Variants in MYT1L observed in about 807,000 individuals in gnomAD.
MYT1L encodes the protein myelin transcription factor 1-like protein.
In MYT1L, 12 loss-of-function variants were observed where a neutral mutation model predicts 126.7. The observed-to-expected ratio is 0.09, with a 90% CI of 0.06 to 0.15. The LOEUF is 0.15. MYT1L is among the 10% of genes least tolerant of loss of function. The probability of loss-of-function intolerance (pLI) is 1.00; values close to 1 mark genes in which losing one functional copy is unlikely to be tolerated. For missense variants in MYT1L, 979 were observed against 1,585.2 expected, an observed-to-expected ratio of 0.62 and a Z score of 6.49; for synonymous variants, 541 against 604.2, an observed-to-expected ratio of 0.90 and a Z score of 1.53.
chr2:1,885,438 A>T (rs769517485), intron 18 of MYT1L: 1 of 152,688 alleles, frequency 6.5e-6, no homozygotes, highest in Non-Finnish European at 1.5e-5. Flanking sequence ...GAGCTAGTTC[A>T]GGAAGTCACT....
At chr2:2,297,041 G>T (rs1559591206) in intron 1 of MYT1L, among the ~76,000 whole-genome samples, 2 of 152,238 alleles carry the variant, frequency 1.3e-5, no homozygotes, top group South Asian at 4.1e-4. Flanking sequence ...GCCTTCCCAG[G>T]TTTCTCTGCA....
At chr2:2,075,114 C>A (rs1331058807) in intron 3 of MYT1L, among the ~76,000 whole-genome samples, 2 of 152,150 alleles carry the variant, frequency 1.3e-5, no homozygotes, top group African/African-American at 4.8e-5. Flanking sequence ...GGATAGAGAG[C>A]ATTTCAGGAG....
At chr2:2,236,760 CTTCTT>C (rs2094319343) in intron 2 of MYT1L, among the ~76,000 whole-genome samples, 1 of 16,270 alleles carries the variant, frequency 6.1e-5, no homozygotes, top group Non-Finnish European at 1.5e-4. Context: ...GTTGTCCTTT[CTTCTT>C]CTTCTTCTTC....
At chr2:2,080,893 A>C (rs993754080) in intron 3 of MYT1L, among the ~76,000 whole-genome samples, 1 of 152,202 alleles carries the variant, frequency 6.6e-6, no homozygotes, top group Non-Finnish European at 1.5e-5. Context: ...TAAATGAAAG[A>C]AGCCGGTATC....
At chr2:2,253,304 C>T (rs1233296416) in intron 2 of MYT1L, among the ~76,000 whole-genome samples, 2 of 152,240 alleles carry the variant, frequency 1.3e-5, no homozygotes, top group African/African-American at 2.4e-5. Flanking sequence ...GGCTTCCACA[C>T]AGTGACTTCG....
chr2:2,202,695 A>T (rs907839669), intron 2 of MYT1L, among the ~76,000 whole-genome samples: 1 of 152,212 alleles, frequency 6.6e-6, no homozygotes, highest in African/African-American at 2.4e-5. Context: ...CCAGAGGTAC[A>T]AGGAGGAGCT....
chr2:2,051,416 T>G (rs915314093), intron 4 of MYT1L, among the ~76,000 whole-genome samples: 6 of 152,192 alleles, frequency 3.9e-5, no homozygotes, highest in Admixed American at 6.5e-5. Context: ...CTCAACAGCC[T>G]GCACAGACCT....
intron 3 of MYT1L, among the ~76,000 whole-genome samples, chr2:2,165,449 T>A (rs2088900647): frequency 6.6e-6 from 1 of 152,204 alleles, no homozygotes; most frequent in African/African-American, 2.4e-5. Context: ...TGTCAACATT[T>A]ATCTTCTAAG....
At chr2:1,952,835 CCCTTACCTTTGCCT>C (rs1206160848) in intron 8 of MYT1L, among the ~76,000 whole-genome samples, 5 of 83,924 alleles carry the variant, frequency 6.0e-5, no homozygotes, top group Admixed American at 1.2e-4. Flanking sequence ...CTCCCTCCTT[CCCTTACCTTTGCCT>C]TCCCTTACCT....
intron 2 of MYT1L, among the ~76,000 whole-genome samples, chr2:2,212,810 T>TATTCTCCCA (rs2148916528): frequency 6.6e-6 from 1 of 152,304 alleles, no homozygotes; most frequent in South Asian, 2.1e-4. Context: ...GAACTGGTGT[T>TATTCTCCCA]ACTTTATTCT....
At chr2:2,201,810 CA>C (rs1200690721) in intron 2 of MYT1L, among the ~76,000 whole-genome samples, 2 of 152,068 alleles carry the variant, frequency 1.3e-5, no homozygotes, top group Admixed American at 1.3e-4. Context: ...TCTGGGTTTT[CA>C]AAACACTAAA....
intron 14 of MYT1L, among the ~76,000 whole-genome samples, chr2:1,902,420 C>T (rs1457741986): frequency 2.0e-5 from 3 of 152,210 alleles, no homozygotes; most frequent in African/African-American, 4.8e-5. Context: ...CCCCATCGTC[C>T]CCAGTCACAG....
chr2:2,080,889 AAAGAAGCCGGTATC>A (rs755900187), intron 3 of MYT1L, among the ~76,000 whole-genome samples: 6 of 152,226 alleles, frequency 3.9e-5, no homozygotes, highest in Non-Finnish European at 8.8e-5. Flanking sequence ...ATGCTAAATG[AAAGAAGCCGGTATC>A]AACAAAACCC....
intron 2 of MYT1L, among the ~76,000 whole-genome samples, chr2:2,281,683 A>T (rs1025318768): frequency 6.6e-6 from 1 of 152,234 alleles, no homozygotes; most frequent in Non-Finnish European, 1.5e-5. Flanking sequence ...ATTAGCCCAT[A>T]GAACCTAGAA....
In MYT1L at chr2:1,792,062, T is replaced by C. The variant is rs1180985083; in HGVS notation, c.3421-55A>G. On this transcript the variant is annotated intron_variant, in intron 24 of 24. Coordinates refer to ENST00000647738, the MANE Select transcript of MYT1L (RefSeq NM_001303052.2). Reference sequence around the variant, plus strand: ...CAACTTTTATTTTCTTAATAGTATATTTACAAAAGCATAAAATAGTATCAT... The same window carrying C: ...CAACTTTTATTTTCTTAATAGTATACTTACAAAAGCATAAAATAGTATCAT... 4.4e-6 allele frequency: 6 copies of C among 1,373,084 alleles called. No individual in the cohort carries two copies. The East Asian group carries it at 1.3e-4, about 29-fold the overall frequency. The allele number at this position is 1,373,084 out of a possible 1,614,324, so 85.1% of individuals were successfully genotyped here. A position where few individuals can be genotyped will look rare whatever the true frequency, so the allele number is the denominator to read the frequency against.
intron 18 of MYT1L, among the ~76,000 whole-genome samples, chr2:1,869,270 T>C (rs2045977487): frequency 6.6e-6 from 1 of 152,204 alleles, no homozygotes; most frequent in Non-Finnish European, 1.5e-5. Flanking sequence ...GTCCTGGACC[T>C]GGGTTGTGTT....
chr2:1,807,803 C>T (rs1302086520), intron 22 of MYT1L, among the ~76,000 whole-genome samples: 1 of 152,106 alleles, frequency 6.6e-6, no homozygotes, highest in African/African-American at 2.4e-5. Flanking sequence ...CCATTTTTGT[C>T]AATCGATCAA....
intron 5 of MYT1L, among the ~76,000 whole-genome samples, chr2:1,987,177 G>A (rs1297292716): frequency 6.6e-6 from 1 of 152,144 alleles, no homozygotes; most frequent in Non-Finnish European, 1.5e-5. Flanking sequence ...TTAGGGCTGG[G>A]GGGTACCCGA....
chr2:2,189,393 A>G lies in MYT1L; in HGVS notation c.-420-16405T>C, dbSNP rs565995399. On this transcript the variant is annotated intron_variant, in intron 2 of 24. Transcript: ENST00000647738. ...GGGTTGGATTATCTTCAAATGCTTC[A>G]GCCAAAACAACTTATGCAATATGTT... Among the ~76,000 whole-genome samples, 8 of 152,318 alleles carry G rather than the reference A, an allele frequency of 5.3e-5. No individual in the cohort carries two copies. The South Asian group carries it at 1.2e-3, about 24-fold the overall frequency.
Sources: gnomAD v4.1 joint callset for allele counts (sites outside exome capture counted in the v4.1 genomes callset) on GRCh38, gnomAD v4.1.1 for gene constraint, MANE v1.5 for transcripts, NCBI Gene and HGNC (gene_info 2026-07-23, HGNC 2026-07-21) for gene names.